The following KIAA1328 variants were observed in gnomAD, a reference collection of about 807,000 sequenced individuals.
KIAA1328 encodes the protein KIAA1328.
In KIAA1328, 52 loss-of-function variants were observed where a neutral mutation model predicts 68.1. The ratio of observed to expected loss-of-function variants is 0.76; its 90% CI spans 0.61 to 0.96. The LOEUF is 0.96. Among genes scored for constraint, KIAA1328 ranks in the 40% least tolerant of loss-of-function variants. The probability of loss-of-function intolerance (pLI) is 0.00; values close to 1 mark genes in which losing one functional copy is unlikely to be tolerated. For synonymous variants in KIAA1328, 232 were observed against 239.4 expected (o/e 0.97, Z 0.28); for missense variants, 641 against 677.6 (o/e 0.95, Z 0.60).
At chr18:36,915,007 A>G (rs538589895) in intron 5 of KIAA1328, among the ~76,000 whole-genome samples, 7 of 152,342 alleles carry the variant, frequency 4.6e-5, no homozygotes, top group Admixed American at 2.6e-4. Context: ...TCAAAATCCT[A>G]GCAAGATTCT....
chr18:37,082,728 C>T lies in KIAA1328; in HGVS notation c.1232+15183C>T, dbSNP rs113185854. On this transcript the variant is annotated intron_variant, in intron 7 of 9. Transcript: ENST00000280020. Reference sequence around the variant, plus strand: ...TGCCACCTTGTTACTACATGATTGCCGATAACAACTTTCGAAAGGGTATTA... The same window carrying T: ...TGCCACCTTGTTACTACATGATTGCTGATAACAACTTTCGAAAGGGTATTA... Among the ~76,000 whole-genome samples the T allele has an allele frequency of 7.6e-3, 1,154 of 152,154 alleles. 13 individuals are homozygous for T. The highest frequency in any genetic ancestry group is 0.011 in the Non-Finnish European group (726 of 67,994).
At chr18:37,094,843 TG>T (rs1292464301) in intron 7 of KIAA1328, among the ~76,000 whole-genome samples, 1 of 152,040 alleles carries the variant, frequency 6.6e-6, no homozygotes, top group African/African-American at 2.4e-5. Context: ...TAACTTCACC[TG>T]TAAAGACACA....
At chr18:37,228,562 G>A (rs1022686809), downstream of KIAA1328, among the ~76,000 whole-genome samples, 7 of 152,192 alleles carry the variant, frequency 4.6e-5, no homozygotes, top group Admixed American at 3.9e-4. Context: ...GCTCACGCCT[G>A]TAATCCCACA....
chr18:37,160,069 A>G, intron 7 of KIAA1328, 131 bp from the exon 8 acceptor site: 2 of 655,420 alleles, frequency 3.1e-6, no homozygotes, highest in Non-Finnish European at 4.7e-6. Context: ...TATTTAAATT[A>G]TACCTCAATA....
chr18:37,172,596 T>C (rs2059521397), intron 8 of KIAA1328, among the ~76,000 whole-genome samples: 1 of 152,216 alleles, frequency 6.6e-6, no homozygotes, highest in Non-Finnish European at 1.5e-5. Flanking sequence ...ATCAATTTAA[T>C]TTGGAGGGTT....
intron 7 of KIAA1328, among the ~76,000 whole-genome samples, chr18:37,117,842 G>T (rs1267966494): frequency 1.3e-5 from 2 of 149,908 alleles, no homozygotes; most frequent in South Asian, 4.2e-4. Context: ...ATGATAGAGG[G>T]ATACAAAAGG....
intron 5 of KIAA1328, among the ~76,000 whole-genome samples, chr18:36,958,263 A>G (rs534072273): frequency 2.6e-5 from 4 of 152,178 alleles, no homozygotes; most frequent in Non-Finnish European, 4.4e-5. Flanking sequence ...GAATATGTAT[A>G]TACAAGTTTT....
intron 1 of KIAA1328, among the ~76,000 whole-genome samples, chr18:36,832,340 AT>A (rs1235298741): frequency 6.6e-6 from 1 of 152,064 alleles, no homozygotes; most frequent in Non-Finnish European, 1.5e-5. Flanking sequence ...TAATCCCAGC[AT>A]TTTGGGAGGC....
chr18:36,992,451 CTTTTTTTTTTTTTT>C lies in KIAA1328; in HGVS notation c.576+33028_576+33041del, dbSNP rs71168252. Among the ~76,000 whole-genome samples the C allele has an allele frequency of 2.9e-3, 375 of 129,808 alleles. 1 individual carries two copies. Among genetic ancestry groups the C allele is most frequent in the African/African-American group, 3.7e-3 (106 of 28,998 alleles). 85.2% of individuals were successfully genotyped at this position (129,808 alleles called of 152,430 possible). On this transcript the variant is annotated intron_variant, in intron 6 of 9. Coordinates refer to ENST00000280020, the MANE Select transcript of KIAA1328 (RefSeq NM_020776.3). ...AGGTCCAATTTCTTTTCTTTTCTTT[CTTTTTTTTTTTTTT>C]TTTTTTTTTTTGCTATATGTGGCCT...
chr18:37,064,053 A>G (rs2151722396), intron 6 of KIAA1328, among the ~76,000 whole-genome samples: 1 of 152,298 alleles, frequency 6.6e-6, no homozygotes, highest in Non-Finnish European at 1.5e-5. Context: ...AGTTCAGAGT[A>G]GGAGAGATTA....
At chr18:36,842,557 A>C (rs2046892784) in intron 3 of KIAA1328, among the ~76,000 whole-genome samples, 1 of 152,140 alleles carries the variant, frequency 6.6e-6, no homozygotes, top group South Asian at 2.1e-4. Context: ...CATAGCTACC[A>C]GTACCTCTAG....
At chr18:37,162,908 A>G (rs528928619) in intron 8 of KIAA1328, among the ~76,000 whole-genome samples, 140 of 151,954 alleles carry the variant, frequency 9.2e-4, no homozygotes, top group African/African-American at 3.1e-3. Flanking sequence ...AGACCAGACT[A>G]TTGTCTCAAG....
chr18:36,947,512 A>G (rs945670423), intron 5 of KIAA1328, among the ~76,000 whole-genome samples: 4 of 152,200 alleles, frequency 2.6e-5, no homozygotes, highest in Admixed American at 2.6e-4. Context: ...GAGTTGGTCA[A>G]AAGAGTTAAG....
chr18:37,221,010 A>G (rs529029420), intron 9 of KIAA1328, among the ~76,000 whole-genome samples: 24 of 152,258 alleles, frequency 1.6e-4, no homozygotes, highest in Admixed American at 1.4e-3. Flanking sequence ...TATTTTTAGT[A>G]GAGACAGAGT....
rs981146963 is a variant in KIAA1328, at chr18:37,223,672, G to A, written c.*1445G>A. 6 of 985,252 alleles carry A rather than the reference G, an allele frequency of 6.1e-6. No homozygotes were observed. In the Admixed American group the frequency reaches 2.5e-4, roughly 40 times the overall value. 61.0% of individuals were successfully genotyped at this position (985,252 alleles called of 1,614,324 possible). On this transcript the variant is annotated 3_prime_UTR_variant, in exon 10 of 10. Coordinates refer to ENST00000280020, the MANE Select transcript of KIAA1328 (RefSeq NM_020776.3). ...GGCAGCCTGCATGCAGCGAGTCTGC[G>A]TGGCTTCCCTGAATTACTCTTTTAA...
chr18:37,205,083 G>T (rs942766274), intron 9 of KIAA1328, among the ~76,000 whole-genome samples: 1 of 152,240 alleles, frequency 6.6e-6, no homozygotes, highest in Non-Finnish European at 1.5e-5. Context: ...CTCCAAAGAG[G>T]TGCAGTGCAG....
chr18:37,228,138 A>T (rs546277437), downstream of KIAA1328, among the ~76,000 whole-genome samples: 1 of 152,280 alleles, frequency 6.6e-6, no homozygotes, highest in South Asian at 2.1e-4. Flanking sequence ...CTGCAATCTC[A>T]TGATAAAACT....
chr18:36,963,170 A>AT (rs1419899871), intron 6 of KIAA1328, among the ~76,000 whole-genome samples: 2 of 152,170 alleles, frequency 1.3e-5, no homozygotes, highest in African/African-American at 2.4e-5. Flanking sequence ...GGTGGCATCT[A>AT]TTTTTTATTG....
At chr18:36,986,181 CAAATT>C (rs1316319381) in intron 6 of KIAA1328, among the ~76,000 whole-genome samples, 4 of 151,308 alleles carry the variant, frequency 2.6e-5, no homozygotes, top group African/African-American at 7.3e-5. Flanking sequence ...TTTATAACCT[CAAATT>C]AAAACAACCC....
Sources: allele counts gnomAD v4.1 joint callset (sites outside exome capture counted in the v4.1 genomes callset), GRCh38; gene constraint gnomAD v4.1.1; transcripts MANE v1.5; gene names NCBI Gene and HGNC (gene_info 2026-07-23, HGNC 2026-07-21).